The following HSD17B12 variants were observed in gnomAD, a reference collection of about 807,000 sequenced individuals.
HSD17B12 encodes very-long-chain 3-oxoacyl-CoA reductase.
HSD17B12 carries 32 observed loss-of-function variants against 39.3 expected under a neutral mutation model. The ratio of observed to expected loss-of-function variants is 0.81; its 90% CI spans 0.61 to 1.09. The LOEUF (loss-of-function observed/expected upper bound fraction) is 1.09, where lower values mean the gene tolerates loss of function less well. Among genes scored for constraint, HSD17B12 ranks in the 50% least tolerant of loss-of-function variants. The pLI is 0.00. For synonymous variants in HSD17B12, 150 were observed against 146.7 expected (o/e 1.02, Z -0.16); for missense variants, 342 against 382.9 (o/e 0.89, Z 0.89).
At chr11:43,559,937 G>A in the HSD17B12 span, among the ~76,000 whole-genome samples, 1 of 152,050 alleles carries the variant, frequency 6.6e-6, no homozygotes, top group Admixed American at 6.6e-5. Flanking sequence ...GAACACGTAG[G>A]GCCCCTTGTT....
intron 4 of HSD17B12, among the ~76,000 whole-genome samples, chr11:43,814,865 C>T (rs1174040100): frequency 6.6e-6 from 1 of 152,124 alleles, no homozygotes; most frequent in Non-Finnish European, 1.5e-5. Context: ...GTGATACCAA[C>T]ATTTTTTCCC....
chr11:43,698,930 A>G (rs1590670081), intron 1 of HSD17B12, among the ~76,000 whole-genome samples: 2 of 152,232 alleles, frequency 1.3e-5, no homozygotes, highest in East Asian at 3.8e-4. Context: ...TTTAGAACAT[A>G]CCTAAAACAG....
intron 1 of HSD17B12, among the ~76,000 whole-genome samples, chr11:43,697,789 A>AT (rs1949925588): frequency 6.6e-6 from 1 of 152,162 alleles, no homozygotes; most frequent in Non-Finnish European, 1.5e-5. Flanking sequence ...GGGGCTGAGA[A>AT]TCCTGAGAGG....
intron 6 of HSD17B12, among the ~76,000 whole-genome samples, chr11:43,821,539 A>T (rs898730877): frequency 2.0e-5 from 3 of 152,158 alleles, no homozygotes; most frequent in African/African-American, 7.2e-5. Flanking sequence ...AGACAATTGA[A>T]CCTCAAGACA....
intron 9 of HSD17B12, among the ~76,000 whole-genome samples, chr11:43,841,333 G>A (rs1270196981): frequency 9.9e-5 from 15 of 152,126 alleles, no homozygotes; most frequent in Non-Finnish European, 1.6e-4. Context: ...TTCGTGAGTT[G>A]CCATTTTATT....
At chr11:43,770,394 A>C (rs532745912) in intron 3 of HSD17B12, among the ~76,000 whole-genome samples, 207 of 152,124 alleles carry the variant, frequency 1.4e-3, no homozygotes, top group African/African-American at 4.8e-3. Context: ...TTTTATTAGG[A>C]CCTCTTCACT....
chr11:43,681,234 G>T, intron 1 of HSD17B12: 1 of 1,130,638 alleles, frequency 8.8e-7, no homozygotes. Flanking sequence ...TCAGCTTAGG[G>T]TGTAGGAGAA....
At chr11:43,769,183 G>A (rs980938061) in intron 3 of HSD17B12, among the ~76,000 whole-genome samples, 13 of 152,190 alleles carry the variant, frequency 8.5e-5, no homozygotes, top group Non-Finnish European at 1.6e-4. Flanking sequence ...CAAGTGATCC[G>A]CCTGCCTCAG....
the HSD17B12 span, among the ~76,000 whole-genome samples, chr11:43,602,637 C>T: frequency 6.6e-6 from 1 of 151,948 alleles, no homozygotes; most frequent in Non-Finnish European, 1.5e-5. Context: ...AATAACAGGC[C>T]TCAGATATTT....
upstream of HSD17B12, chr11:43,680,497 G>A: frequency 2.8e-6 from 1 of 353,034 alleles, no homozygotes; most frequent in South Asian, 2.9e-5. Context: ...TTCCGCAGTC[G>A]CGAGTACGGC....
At chr11:43,754,417 T>C (rs1950491785) in intron 3 of HSD17B12, among the ~76,000 whole-genome samples, 1 of 150,858 alleles carries the variant, frequency 6.6e-6, no homozygotes, top group African/African-American at 2.4e-5. Flanking sequence ...TACTAAAAAT[T>C]AAAAAAAAAT....
the HSD17B12 span, among the ~76,000 whole-genome samples, chr11:43,624,749 A>T: frequency 6.6e-6 from 1 of 151,854 alleles, no homozygotes; most frequent in African/African-American, 2.4e-5. Flanking sequence ...ATATTCACAT[A>T]AAACTAAACT....
chr11:43,652,913 C>A, the HSD17B12 span, among the ~76,000 whole-genome samples: 1 of 152,052 alleles, frequency 6.6e-6, no homozygotes, highest in South Asian at 2.1e-4. Context: ...TCATACTATT[C>A]ATTACTATTA....
Position 43,742,112 on chromosome 11 carries a change from A to AATAT in HSD17B12, c.161-8774_161-8771dup, listed in dbSNP as rs1168038073. Reference sequence around the variant, plus strand: ...AGACATATAGCTTTAAGGCAAAGGAAATATATATATATATATATATATATA... The same window carrying AATAT: ...AGACATATAGCTTTAAGGCAAAGGAAATATATATATATATATATATATATATATA... On this transcript the variant is annotated intron_variant, in intron 1 of 10. Transcript: ENST00000278353. 6.3e-3 allele frequency among the ~76,000 whole-genome samples: 589 copies of AATAT among 93,092 alleles called. 1 individual carries two copies. The highest frequency in any genetic ancestry group is 8.7e-3 in the Admixed American group (86 of 9,890). The allele number at this position is 93,092 out of a possible 152,430, so 61.1% of individuals were successfully genotyped here. A position where few individuals can be genotyped will look rare whatever the true frequency, so the allele number is the denominator to read the frequency against.
intron 1 of HSD17B12, among the ~76,000 whole-genome samples, chr11:43,714,837 C>G (rs1052200454): frequency 2.6e-5 from 4 of 152,188 alleles, no homozygotes; most frequent in Admixed American, 2.0e-4. Flanking sequence ...AGAGGTCCTT[C>G]ACATCCCTTG....
At chr11:43,616,233 C>A in the HSD17B12 span, among the ~76,000 whole-genome samples, 4 of 151,824 alleles carry the variant, frequency 2.6e-5, no homozygotes, top group African/African-American at 9.7e-5. Flanking sequence ...CACGGTGAAA[C>A]CCCGTCTCTA....
At chr11:43,649,855 C>T in the HSD17B12 span, among the ~76,000 whole-genome samples, 1 of 152,210 alleles carries the variant, frequency 6.6e-6, no homozygotes, top group African/African-American at 2.4e-5. Flanking sequence ...AATGTAATCA[C>T]CCTGAAATCA....
At chr11:43,743,432 G>A (rs572765727) in intron 1 of HSD17B12, among the ~76,000 whole-genome samples, 5 of 152,222 alleles carry the variant, frequency 3.3e-5, no homozygotes, top group Admixed American at 3.3e-4. Flanking sequence ...CTCATAGTGG[G>A]GCCACCATTG....
chr11:43,708,302 A>T (rs964102919), intron 1 of HSD17B12, among the ~76,000 whole-genome samples: 5 of 152,156 alleles, frequency 3.3e-5, no homozygotes, highest in Non-Finnish European at 5.9e-5. Flanking sequence ...AAACAACAAT[A>T]GGCTATTGTT....
Sources: allele counts gnomAD v4.1 joint callset (sites outside exome capture counted in the v4.1 genomes callset), GRCh38; gene constraint gnomAD v4.1.1; transcripts MANE v1.5; gene names NCBI Gene and HGNC (gene_info 2026-07-23, HGNC 2026-07-21).